The following CAPN9 variants were observed in gnomAD, a reference collection of about 807,000 sequenced individuals.
CAPN9 encodes the protein calpain-9.
In CAPN9, 81 loss-of-function variants were observed where a neutral mutation model predicts 92.8. That is an observed-to-expected ratio of 0.87 (90% CI 0.73 to 1.05). CAPN9 has a LOEUF of 1.05. Ranked by LOEUF, CAPN9 falls within the 50% of genes least tolerant of loss-of-function variation. CAPN9 has a pLI of 0.00. For missense variants in CAPN9, 848 were observed against 866.2 expected, an observed-to-expected ratio of 0.98 and a Z score of 0.26; for synonymous variants, 304 against 328.0, an observed-to-expected ratio of 0.93 and a Z score of 0.79.
At chr1:230,797,041 C>T (rs980953120) in intron 18 of CAPN9, among the ~76,000 whole-genome samples, 3 of 152,186 alleles carry the variant, frequency 2.0e-5, no homozygotes, top group Non-Finnish European at 4.4e-5. Flanking sequence ...ATGCACTCCA[C>T]ATCAGCACTT....
chr1:230,795,139 G>A (rs769453430), intron 17 of CAPN9, 24 bp from the exon 18 acceptor site: 2 of 1,486,324 alleles, frequency 1.3e-6, no homozygotes, highest in Admixed American at 3.3e-5. Context: ...AGCGAGTCCT[G>A]GGTCTCCTCC....
intron 1 of CAPN9, among the ~76,000 whole-genome samples, chr1:230,754,769 C>A (rs754080534): frequency 5.7e-4 from 86 of 152,098 alleles, no homozygotes; most frequent in Non-Finnish European, 8.8e-4. Context: ...GAGCTATGAT[C>A]ATGTCACTGC....
At chr1:230,769,306 T>C (rs1369188166) in intron 6 of CAPN9, 43 bp downstream of exon 6, 5 of 1,351,022 alleles carry the variant, frequency 3.7e-6, no homozygotes, top group Admixed American at 1.7e-5. Context: ...GGGAGACATG[T>C]GACAATGCTA....
At chr1:230,799,538 A>T (rs1451623960) in intron 19 of CAPN9, among the ~76,000 whole-genome samples, 1 of 152,220 alleles carries the variant, frequency 6.6e-6, no homozygotes, top group East Asian at 1.9e-4. Flanking sequence ...AATTATTGTA[A>T]TGGCTTAATT....
rs759608534 is a variant in CAPN9, at chr1:230,762,726, T to A, written c.476T>A (p.Phe159Tyr). Reference sequence around the variant, plus strand: ...CCCACCTTCAGGGACCGCTTGGTTTTCCTCCACTCTGCCGACCACAACGAG... The same window carrying A: ...CCCACCTTCAGGGACCGCTTGGTTTACCTCCACTCTGCCGACCACAACGAG... ...RLPTFRDRLV[F>Y]LHSADHNEFW... Residue 159 changes from phenylalanine (F) to tyrosine (Y), a missense_variant, in exon 4 of 20, where the codon TTC becomes TAC. Coordinates refer to ENST00000271971, the MANE Select transcript of CAPN9 (RefSeq NM_006615.3). 1 of 1,614,186 alleles carries A rather than the reference T, an allele frequency of 6.2e-7. No homozygotes were observed. Among genetic ancestry groups the A allele is most frequent in the South Asian group, 1.1e-5 (1 of 91,082 alleles).
At chr1:230,779,165 C>A in intron 9 of CAPN9, 32 bp downstream of exon 9, 1 of 1,606,340 alleles carries the variant, frequency 6.2e-7, no homozygotes, top group Non-Finnish European at 8.5e-7. Flanking sequence ...CTCTCTGCCA[C>A]TCCCAAGTGT....
intron 12 of CAPN9, among the ~76,000 whole-genome samples, chr1:230,786,818 T>A (rs1195519051): frequency 6.6e-6 from 1 of 152,140 alleles, no homozygotes; most frequent in Non-Finnish European, 1.5e-5. Flanking sequence ...CAGGGAGATG[T>A]TTTTTACTGT....
intron 18 of CAPN9, among the ~76,000 whole-genome samples, 182 bp from the exon 19 acceptor site, chr1:230,797,980 A>C (rs1379479577): frequency 1.3e-5 from 2 of 152,124 alleles, no homozygotes; most frequent in African/African-American, 2.4e-5. Context: ...CGTTCAGAGA[A>C]GTTCACCTTC....
intron 8 of CAPN9, among the ~76,000 whole-genome samples, 188 bp from the exon 9 acceptor site, chr1:230,778,785 T>C (rs1443527023): frequency 6.6e-6 from 1 of 152,198 alleles, no homozygotes; most frequent in Non-Finnish European, 1.5e-5. Context: ...TTAGCCTGGT[T>C]TTTACCTTTT....
chr1:230,760,890 C>T, intron 3 of CAPN9, among the ~76,000 whole-genome samples: 1 of 137,784 alleles, frequency 7.3e-6, no homozygotes, highest in East Asian at 3.5e-4. Context: ...ACTACTGCCT[C>T]TAAACCAGAA....
chr1:230,767,426 C>A, intron 4 of CAPN9, 115 bp from the exon 5 acceptor site: 1 of 839,720 alleles, frequency 1.2e-6, no homozygotes. Flanking sequence ...ACCACCCAGC[C>A]AGGGCAAGCC....
Position 230,769,266 on chromosome 1 carries a change from A to G in CAPN9, c.789+3A>G. On this transcript the variant is annotated splice_donor_region_variant and intron_variant, in intron 6 of 19. Transcript: ENST00000271971. ...ACAGTGTAACGGGAATTGACCAGGT[A>G]GGCGACTTGAACTCCAACTGCAGGC... 6.2e-7 allele frequency: 1 copy of G among 1,611,270 alleles called. No individual in the cohort carries two copies. The highest frequency in any genetic ancestry group is 1.1e-5 in the South Asian group (1 of 90,982).
intron 14 of CAPN9, among the ~76,000 whole-genome samples, chr1:230,791,200 T>A (rs899928769): frequency 6.6e-6 from 1 of 152,150 alleles, no homozygotes; most frequent in African/African-American, 2.4e-5. Flanking sequence ...CTATACAAGT[T>A]TTTTGGGTGG....
intron 1 of CAPN9, 142 bp downstream of exon 1, chr1:230,747,851 CTT>C: frequency 1.3e-6 from 1 of 767,344 alleles, no homozygotes; most frequent in Non-Finnish European, 2.2e-6. Context: ...CCGTGGAAAG[CTT>C]TGCAGTTTGG....
chr1:230,791,370 T>TATA (rs1667969151), intron 14 of CAPN9, among the ~76,000 whole-genome samples: 1 of 152,254 alleles, frequency 6.6e-6, no homozygotes, highest in South Asian at 2.1e-4. Context: ...ACTATCCAAC[T>TATA]GTTTTCTAAA....
intron 19 of CAPN9, among the ~76,000 whole-genome samples, chr1:230,798,834 T>C (rs543436528): frequency 1.6e-4 from 24 of 152,216 alleles, no homozygotes; most frequent in Admixed American, 2.6e-4. Context: ...GGAGAGAGCG[T>C]TGGAAATGCA....
intron 16 of CAPN9, 21 bp downstream of exon 16, chr1:230,792,515 C>A: frequency 1.2e-6 from 2 of 1,600,994 alleles, no homozygotes; most frequent in Non-Finnish European, 8.6e-7. Context: ...TGGAGCAGGG[C>A]TTGGCCTCTG....
intron 11 of CAPN9, among the ~76,000 whole-genome samples, chr1:230,785,037 A>G (rs964709830): frequency 2.0e-5 from 3 of 152,364 alleles, no homozygotes; most frequent in Middle Eastern, 3.4e-3. Flanking sequence ...TTGGAGCTTT[A>G]AGATTTAATG....
intron 6 of CAPN9, 87 bp downstream of exon 6, chr1:230,769,350 T>A: frequency 2.1e-6 from 2 of 959,024 alleles, no homozygotes; most frequent in Non-Finnish European, 3.2e-6. Context: ...CATTGCAGTT[T>A]AAATGTCTGC....
Sources: gnomAD v4.1 joint callset for allele counts (sites outside exome capture counted in the v4.1 genomes callset) on GRCh38, gnomAD v4.1.1 for gene constraint, MANE v1.5 for transcripts, NCBI Gene and HGNC (gene_info 2026-07-23, HGNC 2026-07-21) for gene names.